Variants in LRMDA observed in about 807,000 individuals in gnomAD.
LRMDA encodes leucine rich melanocyte differentiation associated.
LRMDA carries 18 observed loss-of-function variants against 29.8 expected under a neutral mutation model. The ratio of observed to expected loss-of-function variants is 0.60; its 90% CI spans 0.42 to 0.90. The LOEUF (loss-of-function observed/expected upper bound fraction) is 0.90. LRMDA is among the 40% of genes least tolerant of loss of function. The probability of loss-of-function intolerance (pLI) is 0.00; values close to 1 mark genes in which losing one functional copy is unlikely to be tolerated. For synonymous variants in LRMDA, 125 were observed against 109.4 expected (o/e 1.14, Z -0.89); for missense variants, 273 against 273.9 (o/e 1.00, Z 0.02).
At chr10:75,523,736 C>T (rs966405662) in intron 2 of LRMDA, among the ~76,000 whole-genome samples, 1 of 152,156 alleles carries the variant, frequency 6.6e-6, no homozygotes, top group Non-Finnish European at 1.5e-5. Flanking sequence ...ACCTGGGCAT[C>T]GAAGTTCAGT....
chr10:76,203,184 A>G (rs988680670), intron 5 of LRMDA, among the ~76,000 whole-genome samples: 1 of 152,210 alleles, frequency 6.6e-6, no homozygotes, highest in South Asian at 2.1e-4. Context: ...ACTTGGTAGA[A>G]TCTCACAAGT....
intron 2 of LRMDA, among the ~76,000 whole-genome samples, chr10:75,774,174 A>G (rs1843278270): frequency 1.3e-5 from 2 of 152,236 alleles, no homozygotes; most frequent in African/African-American, 4.8e-5. Context: ...ACAGTTCTGC[A>G]AACATAAAAA....
chr10:76,225,362 C>T (rs1023415059), intron 5 of LRMDA, among the ~76,000 whole-genome samples: 4 of 151,608 alleles, frequency 2.6e-5, no homozygotes, highest in East Asian at 1.9e-4. Context: ...AGTGAGCTGA[C>T]GATGACACGA....
At chr10:75,436,908 T>C (rs1244084411) in intron 1 of LRMDA, among the ~76,000 whole-genome samples, 1 of 152,210 alleles carries the variant, frequency 6.6e-6, no homozygotes, top group African/African-American at 2.4e-5. Flanking sequence ...CACAAGGAAC[T>C]GTGAAGAAAG....
chr10:75,764,233 C>T (rs548239832), intron 2 of LRMDA, among the ~76,000 whole-genome samples: 1 of 152,282 alleles, frequency 6.6e-6, no homozygotes, highest in South Asian at 2.1e-4. Flanking sequence ...CAAATAGTTT[C>T]TGTAACCATG....
intron 6 of LRMDA, among the ~76,000 whole-genome samples, chr10:76,521,540 G>A (rs368757827): frequency 5.3e-5 from 8 of 152,306 alleles, no homozygotes; most frequent in Admixed American, 2.6e-4. Flanking sequence ...AAGCTCTGCA[G>A]AGAAAATCTT....
intron 6 of LRMDA, among the ~76,000 whole-genome samples, chr10:76,522,260 G>A (rs1264687024): frequency 5.3e-5 from 8 of 152,102 alleles, no homozygotes; most frequent in Non-Finnish European, 1.0e-4. Flanking sequence ...CTCATAGGAA[G>A]ACCAAAGAAC....
intron 3 of LRMDA, among the ~76,000 whole-genome samples, chr10:76,039,208 A>C (rs1341726402): frequency 6.6e-6 from 1 of 152,248 alleles, no homozygotes; most frequent in African/African-American, 2.4e-5. Context: ...TGTATAAAGA[A>C]GCATAATTCA....
At chr10:76,344,065 A>C (rs1478659898) in intron 6 of LRMDA, among the ~76,000 whole-genome samples, 1 of 151,520 alleles carries the variant, frequency 6.6e-6, no homozygotes, top group Non-Finnish European at 1.5e-5. Flanking sequence ...CAGGCAATCC[A>C]CCCTCCTCAG....
At chr10:76,385,702 C>T (rs1841651226) in intron 6 of LRMDA, among the ~76,000 whole-genome samples, 2 of 152,300 alleles carry the variant, frequency 1.3e-5, no homozygotes, top group East Asian at 1.9e-4. Context: ...CTTCATATCC[C>T]ACCTTATCCT....
chr10:75,765,002 C>A (rs750799994), intron 2 of LRMDA, among the ~76,000 whole-genome samples: 3 of 150,928 alleles, frequency 2.0e-5, no homozygotes, highest in Non-Finnish European at 2.9e-5. Context: ...AGCACATGAT[C>A]TTTAGTTTAA....
At chr10:76,132,905 C>T (rs965887400) in intron 5 of LRMDA, among the ~76,000 whole-genome samples, 40 of 151,494 alleles carry the variant, frequency 2.6e-4, no homozygotes, top group African/African-American at 9.0e-4. Flanking sequence ...CAGGTTCACG[C>T]CATTCTCCCG....
At chr10:76,328,967 A>C (rs1034698362) in intron 6 of LRMDA, among the ~76,000 whole-genome samples, 1 of 152,162 alleles carries the variant, frequency 6.6e-6, no homozygotes, top group Non-Finnish European at 1.5e-5. Context: ...AGTGATTCTC[A>C]GGAGCTTGCT....
chr10:75,581,597 C>T (rs1433959646), intron 2 of LRMDA, among the ~76,000 whole-genome samples: 1 of 152,124 alleles, frequency 6.6e-6, no homozygotes, highest in Non-Finnish European at 1.5e-5. Flanking sequence ...AGTCATTGTA[C>T]TATGCAGCCA....
chr10:76,443,807 G>C (rs1176155856), intron 6 of LRMDA, among the ~76,000 whole-genome samples: 1 of 152,130 alleles, frequency 6.6e-6, no homozygotes, highest in Non-Finnish European at 1.5e-5. Context: ...AAATCTTTTG[G>C]AATAAACAAG....
chr10:76,013,007 G>C (rs548514414), intron 2 of LRMDA, among the ~76,000 whole-genome samples: 1 of 152,166 alleles, frequency 6.6e-6, no homozygotes, highest in Admixed American at 6.5e-5. Flanking sequence ...TTTGCGGGAG[G>C]GGGAGAAGGG....
intron 6 of LRMDA, among the ~76,000 whole-genome samples, chr10:76,382,076 G>A (rs1841599810): frequency 6.6e-6 from 1 of 152,046 alleles, no homozygotes; most frequent in Admixed American, 6.5e-5. Flanking sequence ...GTGAAGACAG[G>A]AAAAAATGAC....
chr10:75,571,632 G>A (rs796234049), intron 2 of LRMDA, among the ~76,000 whole-genome samples: 52 of 152,320 alleles, frequency 3.4e-4, no homozygotes, highest in African/African-American at 1.3e-3. Flanking sequence ...GAGCACAAGG[G>A]AAAATCTGCT....
intron 2 of LRMDA, among the ~76,000 whole-genome samples, chr10:75,689,303 T>C (rs1456397585): frequency 1.3e-5 from 2 of 152,258 alleles, no homozygotes; most frequent in African/African-American, 2.4e-5. Context: ...AGGCTCTGCA[T>C]AACTGTTGAA....
Sources: allele counts gnomAD v4.1 joint callset (sites outside exome capture counted in the v4.1 genomes callset), GRCh38; gene constraint gnomAD v4.1.1; transcripts MANE v1.5; gene names NCBI Gene and HGNC (gene_info 2026-07-23, HGNC 2026-07-21).